The following NDUFAF6 variants were observed in gnomAD, a reference collection of about 807,000 sequenced individuals.
NDUFAF6 encodes NADH:ubiquinone oxidoreductase complex assembly factor 6.
Under a neutral mutation model 40.8 loss-of-function variants are expected in NDUFAF6, and 45 were observed. The observed-to-expected ratio is 1.10, with a 90% CI of 0.87 to 1.42. The LOEUF (loss-of-function observed/expected upper bound fraction) is 1.42, where lower values mean the gene tolerates loss of function less well. Ranked by LOEUF, NDUFAF6 falls within the 40% of genes most tolerant of loss-of-function variation. NDUFAF6 has a pLI of 0.00. For synonymous variants in NDUFAF6, 185 were observed against 155.9 expected, an observed-to-expected ratio of 1.19 and a Z score of -1.39; for missense variants, 435 against 418.5, an observed-to-expected ratio of 1.04 and a Z score of -0.34.
chr8:95,045,421 G>T (rs758377010), intron 4 of NDUFAF6, 124 bp from the exon 5 acceptor site: 1 of 695,580 alleles, frequency 1.4e-6, no homozygotes, highest in Non-Finnish European at 2.6e-6. Context: ...ATCTTATTGT[G>T]TACTAAATAA....
At chr8:95,105,066 C>CACAGAGAG (rs1484172223), downstream of NDUFAF6, among the ~76,000 whole-genome samples, 3 of 72,886 alleles carry the variant, frequency 4.1e-5, no homozygotes, top group African/African-American at 1.2e-4. Context: ...CACACACACA[C>CACAGAGAG]AGAGAGAGAG....
At chr8:95,037,516 C>T (rs761722607) in intron 3 of NDUFAF6, among the ~76,000 whole-genome samples, 12 of 152,142 alleles carry the variant, frequency 7.9e-5, no homozygotes, top group Admixed American at 6.5e-5. Context: ...TGGCTGATTC[C>T]TGGAATTTGG....
intron 2 of NDUFAF6, among the ~76,000 whole-genome samples, chr8:95,001,077 T>C (rs1163730316): frequency 6.7e-6 from 1 of 150,348 alleles, no homozygotes. Flanking sequence ...CATCTCAGCC[T>C]CCAGAGTAAC....
downstream of NDUFAF6, among the ~76,000 whole-genome samples, chr8:95,077,574 A>T (rs1996500): frequency 6.6e-6 from 1 of 151,890 alleles, no homozygotes; most frequent in East Asian, 1.9e-4. Flanking sequence ...AAAACTTACA[A>T]AGTCTTTATG....
At chr8:95,085,601 A>G (rs2165497) in intron 2 of NDUFAF6, 96,597 of 151,146 alleles carry the variant, frequency 0.64, 31,987 homozygotes, top group African/African-American at 0.81. Flanking sequence ...AGACTGTAGC[A>G]TGCTGTGCTC....
At chr8:95,013,755 T>C (rs1827323381) in intron 2 of NDUFAF6, among the ~76,000 whole-genome samples, 1 of 152,016 alleles carries the variant, frequency 6.6e-6, no homozygotes, top group African/African-American at 2.4e-5. Context: ...AAGAAAAAAA[T>C]AGGGCAGCAT....
chr8:95,107,124 C>T (rs1809862906), downstream of NDUFAF6, among the ~76,000 whole-genome samples: 1 of 152,070 alleles, frequency 6.6e-6, no homozygotes, highest in African/African-American at 2.4e-5. Flanking sequence ...CCCAGCAACC[C>T]ATTACTGGGT....
intron 1 of NDUFAF6, among the ~76,000 whole-genome samples, chr8:94,944,156 T>C (rs1821793635): frequency 6.6e-6 from 1 of 152,198 alleles, no homozygotes; most frequent in African/African-American, 2.4e-5. Flanking sequence ...ATAAGCCCAA[T>C]TCTGCAGAGC....
chr8:94,933,836 G>C (rs1040010617), intron 1 of NDUFAF6, among the ~76,000 whole-genome samples: 1 of 145,364 alleles, frequency 6.9e-6, no homozygotes, highest in Non-Finnish European at 1.5e-5. Flanking sequence ...GCACTTTGTG[G>C]GGGGGGGGGG....
At chr8:95,034,350 T>A (rs1024446489) in intron 2 of NDUFAF6, among the ~76,000 whole-genome samples, 2 of 152,220 alleles carry the variant, frequency 1.3e-5, no homozygotes, top group Non-Finnish European at 2.9e-5. Flanking sequence ...AAACTTAACA[T>A]TGATGCAGTA....
chr8:95,060,832 A>C (rs942224265), downstream of NDUFAF6, among the ~76,000 whole-genome samples: 3 of 152,240 alleles, frequency 2.0e-5, no homozygotes, highest in Non-Finnish European at 4.4e-5. Flanking sequence ...TTTCAGATAC[A>C]AATTAGGTTA....
At chr8:95,017,534 C>T (rs1208815188) in intron 2 of NDUFAF6, among the ~76,000 whole-genome samples, 1 of 152,128 alleles carries the variant, frequency 6.6e-6, no homozygotes, top group Non-Finnish European at 1.5e-5. Flanking sequence ...CCTAGAGAGG[C>T]AAATGTATTT....
rs536131781 is a variant in NDUFAF6, at chr8:95,071,353, T to C, written c.*512-4280T>C. Among the ~76,000 whole-genome samples the C allele has an allele frequency of 9.2e-5, 12 of 130,610 alleles. No homozygotes were observed. The East Asian group carries it at 2.1e-3, about 22-fold the overall frequency. 85.7% of individuals were successfully genotyped at this position (130,610 alleles called of 152,430 possible). On this transcript the variant is annotated intron_variant and NMD_transcript_variant, in intron 9 of 9. Transcript: ENST00000520757. ...GTGGAGTTTGCAGTGAGCCGAGATCTCACCACTGCACTCCAGCCTGGGCGA... is the reference window on the plus strand; with the variant it reads ...GTGGAGTTTGCAGTGAGCCGAGATCCCACCACTGCACTCCAGCCTGGGCGA...
chr8:94,899,598 A>G (rs1002947418), intron 1 of NDUFAF6, among the ~76,000 whole-genome samples: 1 of 152,218 alleles, frequency 6.6e-6, no homozygotes, highest in African/African-American at 2.4e-5. Flanking sequence ...CCTAAGATCC[A>G]CAGTAGAGTC....
At chr8:94,920,400 T>A (rs911062836) in intron 1 of NDUFAF6, among the ~76,000 whole-genome samples, 1 of 152,256 alleles carries the variant, frequency 6.6e-6, no homozygotes, top group Non-Finnish European at 1.5e-5. Context: ...AGATGGCTCC[T>A]CTTGCAGTAT....
intron 1 of NDUFAF6, among the ~76,000 whole-genome samples, chr8:94,896,839 G>A (rs1306326154): frequency 1.3e-5 from 2 of 152,190 alleles, no homozygotes; most frequent in African/African-American, 4.8e-5. Context: ...ACACTTTTTC[G>A]ATTCTTCGTC....
chr8:95,034,825 A>G (rs1278166880), intron 2 of NDUFAF6: 1 of 152,636 alleles, frequency 6.6e-6, no homozygotes, highest in Admixed American at 6.5e-5. Flanking sequence ...TTCCTCATCA[A>G]AATTTACCTC....
intron 1 of NDUFAF6, among the ~76,000 whole-genome samples, chr8:94,919,707 C>G (rs1460602898): frequency 6.6e-6 from 1 of 152,226 alleles, no homozygotes; most frequent in Non-Finnish European, 1.5e-5. Context: ...CATTACTATC[C>G]TGTCTCCTGG....
At position 94,919,513 on chromosome 8, in the gene NDUFAF6, C is replaced by A. The variant is rs191433018; in HGVS notation, c.-936+23586C>A. On this transcript the variant is annotated intron_variant, in intron 1 of 14. Transcript: ENST00000396113. ...AAGTCAAACAGTTTAGAATGTCATT[C>A]ATTTTGTGCAGTTCCCATGATTTGC... 2.6e-3 allele frequency among the ~76,000 whole-genome samples: 391 copies of A among 152,274 alleles called. 4 individuals carry two copies. The highest frequency in any genetic ancestry group is 9.1e-3 in the African/African-American group (378 of 41,554).
Sources: gnomAD v4.1 joint callset for allele counts (sites outside exome capture counted in the v4.1 genomes callset) on GRCh38, gnomAD v4.1.1 for gene constraint, MANE v1.5 for transcripts, NCBI Gene and HGNC (gene_info 2026-07-23, HGNC 2026-07-21) for gene names.